Variants in RANBP2 observed in about 807,000 individuals in gnomAD.
RANBP2 encodes E3 SUMO-protein ligase RanBP2.
Under a neutral mutation model 303.6 loss-of-function variants are expected in RANBP2, and 57 were observed. The ratio of observed to expected loss-of-function variants is 0.19; its 90% confidence interval spans 0.15 to 0.23. The LOEUF (loss-of-function observed/expected upper bound fraction) is 0.23. Among genes scored for constraint, RANBP2 ranks in the 10% least tolerant of loss-of-function variants. The probability of loss-of-function intolerance (pLI) is 1.00; values close to 1 mark genes in which losing one functional copy is unlikely to be tolerated. For missense variants in RANBP2, 3,138 were observed against 3,780.8 expected, an observed-to-expected ratio of 0.83 and a Z score of 4.46; for synonymous variants, 1,167 against 1,301.5, an observed-to-expected ratio of 0.90 and a Z score of 2.23.
chr2:109,149,070 C>G, the RANBP2 span, among the ~76,000 whole-genome samples: 1 of 152,150 alleles, frequency 6.6e-6, no homozygotes, highest in Admixed American at 6.5e-5. Flanking sequence ...TCAGAGGCTT[C>G]AATTGAGTGC....
the RANBP2 span, among the ~76,000 whole-genome samples, chr2:109,252,658 A>G: frequency 1.3e-5 from 2 of 152,246 alleles, no homozygotes; most frequent in Non-Finnish European, 2.9e-5. Flanking sequence ...GTAATACACC[A>G]AACCTACAGA....
the RANBP2 span, chr2:109,129,698 A>G: frequency 6.5e-7 from 1 of 1,531,342 alleles, no homozygotes; most frequent in Non-Finnish European, 8.7e-7. Context: ...TCGCTGCTGG[A>G]CCTGCTGGAG....
At chr2:109,699,348 G>A in the RANBP2 span, among the ~76,000 whole-genome samples, 2 of 152,124 alleles carry the variant, frequency 1.3e-5, no homozygotes, top group Admixed American at 6.5e-5. Context: ...GGGGGCTAGG[G>A]GGACTGACCC....
chr2:109,112,503 GT>G, the RANBP2 span, among the ~76,000 whole-genome samples: 188 of 152,052 alleles, frequency 1.2e-3, 1 homozygote, highest in African/African-American at 4.5e-3. Context: ...TTGTAAATTT[GT>G]TTGAGTTCAT....
chr2:109,414,878 C>A, the RANBP2 span, among the ~76,000 whole-genome samples: 1 of 152,328 alleles, frequency 6.6e-6, no homozygotes, highest in East Asian at 1.9e-4. Context: ...GACTGATGGC[C>A]CCCACACATG....
chr2:108,795,846 A>G, the RANBP2 span, among the ~76,000 whole-genome samples: 2 of 152,168 alleles, frequency 1.3e-5, no homozygotes, highest in South Asian at 4.1e-4. Context: ...CAGGCTGGGT[A>G]TTTTACAAGT....
chr2:109,207,590 T>G, the RANBP2 span, among the ~76,000 whole-genome samples: 1 of 152,226 alleles, frequency 6.6e-6, no homozygotes, highest in Non-Finnish European at 1.5e-5. Flanking sequence ...ATATTGAAAT[T>G]GTGGAAAATA....
At chr2:108,812,957 G>A in the RANBP2 span, 1 of 1,605,428 alleles carries the variant, frequency 6.2e-7, no homozygotes, top group Admixed American at 1.7e-5. Flanking sequence ...TGATATGATT[G>A]AAAATTTCTC....
the RANBP2 span, among the ~76,000 whole-genome samples, chr2:108,988,393 T>C: frequency 6.6e-6 from 1 of 152,070 alleles, no homozygotes; most frequent in African/African-American, 2.4e-5. Flanking sequence ...TGGCTGGAAA[T>C]GAAAACCTCA....
the RANBP2 span, among the ~76,000 whole-genome samples, chr2:108,954,116 C>G: frequency 6.6e-6 from 1 of 152,100 alleles, no homozygotes; most frequent in African/African-American, 2.4e-5. Context: ...AAGTAACGCA[C>G]CTTATCCACC....
At chr2:109,250,677 CAT>C in the RANBP2 span, among the ~76,000 whole-genome samples, 27 of 151,620 alleles carry the variant, frequency 1.8e-4, no homozygotes, top group Non-Finnish European at 1.5e-5. Context: ...ATATGGAAAA[CAT>C]ATTTATATCA....
the RANBP2 span, among the ~76,000 whole-genome samples, chr2:109,428,458 A>C: frequency 6.6e-6 from 1 of 152,176 alleles, no homozygotes; most frequent in Non-Finnish European, 1.5e-5. Flanking sequence ...GGGTCAGCCG[A>C]GTCGGCCCAG....
the RANBP2 span, among the ~76,000 whole-genome samples, chr2:108,976,649 T>A: frequency 6.6e-6 from 1 of 152,236 alleles, no homozygotes; most frequent in Non-Finnish European, 1.5e-5. Flanking sequence ...CATTATTTAT[T>A]TGTCAGTGTG....
the RANBP2 span, among the ~76,000 whole-genome samples, chr2:109,577,887 T>C: frequency 7.8e-6 from 1 of 128,280 alleles, no homozygotes; most frequent in Non-Finnish European, 1.6e-5. Context: ...CACTTAAGCC[T>C]GGGTGACGAA....
the RANBP2 span, chr2:109,574,595 T>A: frequency 6.4e-7 from 1 of 1,557,598 alleles, no homozygotes; most frequent in Non-Finnish European, 8.7e-7. Context: ...CTGTCAAGGT[T>A]CTTCATGGTT....
the RANBP2 span, among the ~76,000 whole-genome samples, chr2:109,296,966 A>G: frequency 6.6e-6 from 1 of 152,096 alleles, no homozygotes; most frequent in East Asian, 1.9e-4. Flanking sequence ...CTGAGGAGCT[A>G]GTGATTTACC....
chr2:109,345,098 C>T, the RANBP2 span, among the ~76,000 whole-genome samples: 1 of 152,182 alleles, frequency 6.6e-6, no homozygotes, highest in African/African-American at 2.4e-5. Context: ...GTGTGTCTCG[C>T]AGTGTCTCTG....
the RANBP2 span, among the ~76,000 whole-genome samples, chr2:108,843,955 A>T: frequency 6.8e-6 from 1 of 147,750 alleles, no homozygotes; most frequent in African/African-American, 2.5e-5. Context: ...CAGTGGCACA[A>T]TCACGGCTCA....
the RANBP2 span, among the ~76,000 whole-genome samples, chr2:109,590,061 T>C: frequency 6.7e-6 from 1 of 148,566 alleles, no homozygotes; most frequent in Non-Finnish European, 1.5e-5. Flanking sequence ...TGTGTGTATA[T>C]ATATACACAC....
Sources: allele counts gnomAD v4.1 joint callset (sites outside exome capture counted in the v4.1 genomes callset), GRCh38; gene constraint gnomAD v4.1.1; transcripts MANE v1.5; gene names NCBI Gene and HGNC (gene_info 2026-07-23, HGNC 2026-07-21).